The following PRKCB variants were observed in gnomAD, a reference collection of about 807,000 sequenced individuals.
The protein encoded by PRKCB is protein kinase C beta type.
In PRKCB, 13 loss-of-function variants were observed where a neutral mutation model predicts 81.5. The observed-to-expected ratio is 0.16, with a 90% CI of 0.10 to 0.25. The LOEUF (loss-of-function observed/expected upper bound fraction) is 0.25. PRKCB is among the 10% of genes least tolerant of loss of function. The pLI, the probability that PRKCB is intolerant of heterozygous loss-of-function variation, is 1.00. For missense variants in PRKCB, 509 were observed against 875.7 expected (o/e 0.58, Z 5.29); for synonymous variants, 335 against 321.4 (o/e 1.04, Z -0.45).
chr16:24,051,058 T>C (rs1330752437), intron 5 of PRKCB, among the ~76,000 whole-genome samples: 1 of 152,188 alleles, frequency 6.6e-6, no homozygotes, highest in Non-Finnish European at 1.5e-5. Context: ...GCCGAGTGTC[T>C]TCCGGACATC....
At chr16:24,196,920 G>A (rs1020454677) in intron 16 of PRKCB, among the ~76,000 whole-genome samples, 2 of 152,210 alleles carry the variant, frequency 1.3e-5, no homozygotes, top group African/African-American at 2.4e-5. Flanking sequence ...ACAGCAGGCT[G>A]TTGCTGGCCA....
intron 9 of PRKCB, among the ~76,000 whole-genome samples, chr16:24,130,018 C>T (rs1966851087): frequency 6.6e-6 from 1 of 152,166 alleles, no homozygotes; most frequent in Non-Finnish European, 1.5e-5. Context: ...TCTATCCGTC[C>T]ATCAACGCTT....
intron 5 of PRKCB, among the ~76,000 whole-genome samples, chr16:24,064,103 T>A (rs1282636619): frequency 6.6e-6 from 1 of 152,098 alleles, no homozygotes. Flanking sequence ...AACACCAGGT[T>A]GCCGTCCTTC....
intron 10 of PRKCB, among the ~76,000 whole-genome samples, chr16:24,166,212 T>G (rs1361698071): frequency 1.3e-5 from 2 of 152,218 alleles, no homozygotes; most frequent in Non-Finnish European, 2.9e-5. Flanking sequence ...ATAGAGGGGA[T>G]GAATTTCCAT....
chr16:24,167,337 A>T (rs1967363198), intron 10 of PRKCB, among the ~76,000 whole-genome samples: 1 of 152,118 alleles, frequency 6.6e-6, no homozygotes, highest in Non-Finnish European at 1.5e-5. Flanking sequence ...GGTCTGAGAA[A>T]TAAAAACCAT....
chr16:24,123,896 A>T lies in PRKCB; in HGVS notation c.980A>T (p.Lys327Ile). 6.2e-7 allele frequency: 1 copy of T among 1,614,194 alleles called. No individual in the cohort carries two copies. The highest frequency in any genetic ancestry group is 8.5e-7 in the Non-Finnish European group (1 of 1,180,034). The change falls in exon 9 of 17, where the codon AAA becomes ATA. Residue 327 changes from lysine (K) to isoleucine (I), a missense_variant. Lys to Ile is a moderately radical substitution (Grantham distance 102). Coordinates refer to ENST00000643927, the MANE Select transcript of PRKCB (RefSeq NM_002738.7). Reference protein sequence around the residue: ...PEEKTTNTVSKFDNNGNRDRM... With the variant: ...PEEKTTNTVSIFDNNGNRDRM... ...GAAAAGACGACCAACACTGTCTCCA[A>T]ATTTGACAACAATGGCAACAGAGAC... is the stretch of plus-strand genomic sequence containing the variant.
chr16:23,906,390 T>G (rs1963561695), intron 2 of PRKCB, among the ~76,000 whole-genome samples: 1 of 152,210 alleles, frequency 6.6e-6, no homozygotes, highest in Non-Finnish European at 1.5e-5. Flanking sequence ...GGTTTTTGTT[T>G]GTGAAAGAAC....
rs7203327 is a variant in PRKCB at position 24,213,443 on chromosome 16, C to T, written c.1864-1215C>T. ...GATTATGAACAAATTACATAGTCTC[C>T]GTGGTCTCAGTTCCGTCATCTATAA... On this transcript the variant is annotated intron_variant, in intron 16 of 16. Transcript: ENST00000643927. Among the ~76,000 whole-genome samples the T allele has an allele frequency of 7.2e-3, 1,098 of 152,138 alleles. 17 individuals carry two copies. The highest frequency in any genetic ancestry group is 0.025 in the African/African-American group (1,043 of 41,504).
chr16:23,930,921 G>A (rs557207372), intron 2 of PRKCB, among the ~76,000 whole-genome samples: 16 of 150,304 alleles, frequency 1.1e-4, no homozygotes, highest in African/African-American at 1.7e-4. Flanking sequence ...GCTCACAGAG[G>A]TTGATGACTT....
At chr16:23,891,042 A>G (rs1234638070) in intron 2 of PRKCB, among the ~76,000 whole-genome samples, 1 of 145,474 alleles carries the variant, frequency 6.9e-6, no homozygotes. Flanking sequence ...ATGTGTGTGT[A>G]TATATATATA....
At chr16:23,958,699 TCC>T (rs2141787380) in intron 2 of PRKCB, among the ~76,000 whole-genome samples, 1 of 152,022 alleles carries the variant, frequency 6.6e-6, no homozygotes, top group East Asian at 1.9e-4. Context: ...CTTCTTCTCC[TCC>T]TCCTCTTCTT....
intron 13 of PRKCB, 73 bp from the exon 14 acceptor site, chr16:24,185,030 CTTGTAAAA>C: frequency 8.3e-7 from 1 of 1,210,658 alleles, no homozygotes; most frequent in Non-Finnish European, 1.2e-6. Flanking sequence ...CACTGGCCTT[CTTGTAAAA>C]GAAGAGTGAA....
rs1555491074 is a variant in PRKCB at position 24,021,072 on chromosome 16, C to CTTCTTTCTTTCT, written c.289-11057_289-11046dup. Among the ~76,000 whole-genome samples the CTTCTTTCTTTCT allele has an allele frequency of 1.1e-3, 102 of 94,472 alleles. 4 individuals carry two copies. Among genetic ancestry groups the CTTCTTTCTTTCT allele is most frequent in the African/African-American group, 4.0e-3 (94 of 23,474 alleles). 62.0% of individuals were successfully genotyped at this position (94,472 alleles called of 152,430 possible). On this transcript the variant is annotated intron_variant, in intron 3 of 16. Transcript: ENST00000643927. ...TTTCTTTCTTTCCCTCCCTCCCTCC[C>CTTCTTTCTTTCT]TTCTTTCTTTCTTTCTTTTTTTCTT...
intron 2 of PRKCB, among the ~76,000 whole-genome samples, chr16:23,868,492 C>T (rs1962844678): frequency 6.6e-6 from 1 of 152,194 alleles, no homozygotes; most frequent in East Asian, 1.9e-4. Context: ...ATTTGATTTT[C>T]ACAATGACCT....
At chr16:24,164,976 G>A (rs909856091) in intron 10 of PRKCB, among the ~76,000 whole-genome samples, 5 of 152,120 alleles carry the variant, frequency 3.3e-5, no homozygotes, top group African/African-American at 7.2e-5. Flanking sequence ...TTAGTTAGCC[G>A]AAGCCCCCAT....
At chr16:23,879,335 G>A (rs1963067661) in intron 2 of PRKCB, among the ~76,000 whole-genome samples, 1 of 152,100 alleles carries the variant, frequency 6.6e-6, no homozygotes, top group African/African-American at 2.4e-5. Context: ...TCTTTAGTAA[G>A]TCTGGGCTGT....
chr16:24,185,441 A>G lies in PRKCB; in HGVS notation c.1615-19A>G, dbSNP rs1042777035. On this transcript the variant is annotated intron_variant, in intron 14 of 16. Coordinates refer to ENST00000643927, the MANE Select transcript of PRKCB (RefSeq NM_002738.7). Reference sequence around the variant, plus strand: ...TTCAAGCAGGGATTCTTCTCCTCCCACCCTCCCCTGTCATACAGGCACCCT... The same window carrying G: ...TTCAAGCAGGGATTCTTCTCCTCCCGCCCTCCCCTGTCATACAGGCACCCT... 8 of 1,605,650 alleles carry G rather than the reference A, an allele frequency of 5.0e-6. No homozygotes were observed. Among genetic ancestry groups the G allele is most frequent in the Non-Finnish European group, 6.0e-6 (7 of 1,172,964 alleles).
chr16:24,035,906 C>G (rs1567352213), intron 5 of PRKCB, among the ~76,000 whole-genome samples: 1 of 152,124 alleles, frequency 6.6e-6, no homozygotes, highest in Non-Finnish European at 1.5e-5. Context: ...TGGGTAGTTG[C>G]ATTTCCTTTA....
intron 3 of PRKCB, among the ~76,000 whole-genome samples, chr16:24,011,467 G>A (rs999630416): frequency 6.6e-6 from 1 of 152,074 alleles, no homozygotes; most frequent in African/African-American, 2.4e-5. Flanking sequence ...CTCCAATCTT[G>A]GCTCTGGTAC....
Sources: gnomAD v4.1 joint callset for allele counts (sites outside exome capture counted in the v4.1 genomes callset) on GRCh38, gnomAD v4.1.1 for gene constraint, MANE v1.5 for transcripts, NCBI Gene and HGNC (gene_info 2026-07-23, HGNC 2026-07-21) for gene names.